Variants in CALCOCO1 observed in about 807,000 individuals in gnomAD.
The protein encoded by CALCOCO1 is calcium-binding and coiled-coil domain-containing protein 1.
In CALCOCO1, 44 loss-of-function variants were observed where a neutral mutation model predicts 86.3. The observed-to-expected ratio is 0.51, with a 90% CI of 0.40 to 0.66. The LOEUF (loss-of-function observed/expected upper bound fraction) is 0.66, where lower values mean the gene tolerates loss of function less well. Ranked by LOEUF, CALCOCO1 falls within the 30% of genes least tolerant of loss-of-function variation. The pLI, the probability that CALCOCO1 is intolerant of heterozygous loss-of-function variation, is 0.00. For synonymous variants in CALCOCO1, 297 were observed against 327.6 expected (o/e 0.91, Z 1.01); for missense variants, 708 against 851.1 (o/e 0.83, Z 2.09).
In CALCOCO1 at chr12:53,711,826, G is replaced by T; in HGVS notation, c.*118C>A. 1 of 868,506 alleles carries T rather than the reference G, an allele frequency of 1.2e-6. No individual in the cohort carries two copies. The highest frequency in any genetic ancestry group is 3.3e-5 in the East Asian group (1 of 30,392). The allele number at this position is 868,506 out of a possible 1,614,324, so 53.8% of individuals were successfully genotyped here. A position where few individuals can be genotyped will look rare whatever the true frequency, so the allele number is the denominator to read the frequency against. On this transcript the variant is annotated 3_prime_UTR_variant, in exon 15 of 15. Coordinates refer to ENST00000550804, the MANE Select transcript of CALCOCO1 (RefSeq NM_020898.3). Reference sequence around the variant, plus strand: ...CAGGGCACACAGAAGCAGTTCTTAGGGAACAGAATATCATGGAGCCCAGTG... The same window carrying T: ...CAGGGCACACAGAAGCAGTTCTTAGTGAACAGAATATCATGGAGCCCAGTG...
intron 5 of CALCOCO1, 155 bp from the exon 6 acceptor site, chr12:53,721,770 T>C: frequency 1.0e-6 from 1 of 990,514 alleles, no homozygotes; most frequent in South Asian, 1.4e-5. Flanking sequence ...GAACATTCCC[T>C]TACCTATCAA....
At position 53,709,480 on chromosome 12, in the gene CALCOCO1, G is replaced by A. The variant is rs969180910; in HGVS notation, c.*2464C>T. 1 of 152,290 alleles carries A rather than the reference G, an allele frequency of 6.6e-6. No individual in the cohort carries two copies. Among genetic ancestry groups the A allele is most frequent in the Non-Finnish European group, 1.5e-5 (1 of 68,120 alleles). 9.4% of individuals were successfully genotyped at this position (152,290 alleles called of 1,614,324 possible). A position where few individuals can be genotyped will look rare whatever the true frequency, so the allele number is the denominator to read the frequency against. On this transcript the variant is annotated 3_prime_UTR_variant, in exon 15 of 15. Transcript: ENST00000550804. The stretch of plus-strand genomic sequence containing the variant: ...AAAGACACACAAAGGGCAGAGAAAG[G>A]AGCAGCTAGAAACTCTAGATATCCA...
At chr12:53,715,663 C>T in intron 9 of CALCOCO1, 130 bp downstream of exon 9, 5 of 1,277,824 alleles carry the variant, frequency 3.9e-6, no homozygotes, top group Non-Finnish European at 5.4e-6. Flanking sequence ...CTCAAAGCCC[C>T]TCTCCACCCA....
At position 53,715,961 on chromosome 12, in the gene CALCOCO1, C is replaced by T. The variant is rs1352758564; in HGVS notation, c.1092G>A (p.Glu364=). The part of the protein sequence containing the change: ...SSQQKATLLG[E]ELASAAAARD... ...TGGCTGCTGCTGCACTGGCCAACTC[C>T]TCCCCAAGAAGGGTGGCTTTCTGCT... Residue 364 remains glutamate, a synonymous_variant, in exon 9 of 15, where the codon GAG becomes GAA. Coordinates refer to ENST00000550804, the MANE Select transcript of CALCOCO1 (RefSeq NM_020898.3). 1 of 1,614,072 alleles carries T rather than the reference C, an allele frequency of 6.2e-7. No homozygotes were observed. Among genetic ancestry groups the T allele is most frequent in the African/African-American group, 1.3e-5 (1 of 74,934 alleles).
In CALCOCO1 at chr12:53,719,839, G is replaced by A. The variant is rs766356835; in HGVS notation, c.759-10C>T. The stretch of plus-strand genomic sequence containing the variant: ...CACTGTGTCTCTAAGCCTGTGATTG[G>A]TGGGATGACATGTCAGACAATCTGC... On this transcript the variant is annotated splice_polypyrimidine_tract_variant and intron_variant, in intron 6 of 14. Coordinates refer to ENST00000550804, the MANE Select transcript of CALCOCO1 (RefSeq NM_020898.3). 6.3e-7 allele frequency: 1 copy of A among 1,596,724 alleles called. No individual in the cohort carries two copies. Among genetic ancestry groups the A allele is most frequent in the Non-Finnish European group, 8.6e-7 (1 of 1,164,734 alleles).
intron 6 of CALCOCO1, among the ~76,000 whole-genome samples, chr12:53,720,906 G>C (rs1052871491): frequency 6.6e-6 from 1 of 152,204 alleles, no homozygotes; most frequent in African/African-American, 2.4e-5. Flanking sequence ...TAGGAGAGGA[G>C]AGTTTGGCTC....
Position 53,711,199 on chromosome 12 carries a change from G to C in CALCOCO1, c.*745C>G, listed in dbSNP as rs1046244332. On this transcript the variant is annotated 3_prime_UTR_variant, in exon 15 of 15. Transcript: ENST00000550804. ...GCTTTTATTGCTGTGGGGGGACCTG[G>C]AGAGGGAGGGGGGCCTTGGAAATGG... 6 of 398,880 alleles carry C rather than the reference G, an allele frequency of 1.5e-5. No individual in the cohort carries two copies. The highest frequency in any genetic ancestry group is 6.2e-5 in the African/African-American group (3 of 48,698). The allele number at this position is 398,880 out of a possible 1,614,324, so 24.7% of individuals were successfully genotyped here.
rs772925653 is a variant in CALCOCO1, at chr12:53,711,804, G to A, written c.*140C>T. ...GTGAGAAATCTTGGGATGAAAACAGGGCACACAGAAGCAGTTCTTAGGGAA... is the reference window on the plus strand; with the variant it reads ...GTGAGAAATCTTGGGATGAAAACAGAGCACACAGAAGCAGTTCTTAGGGAA... On this transcript the variant is annotated 3_prime_UTR_variant, in exon 15 of 15. Transcript: ENST00000550804. 1 of 698,880 alleles carries A rather than the reference G, an allele frequency of 1.4e-6. No individual in the cohort carries two copies. Among genetic ancestry groups the A allele is most frequent in the African/African-American group, 1.9e-5 (1 of 52,998 alleles). The allele number at this position is 698,880 out of a possible 1,614,324, so 43.3% of individuals were successfully genotyped here.
At position 53,716,303 on chromosome 12, in the gene CALCOCO1, A is replaced by T; in HGVS notation, c.962T>A (p.Val321Glu). 1.2e-6 allele frequency: 2 copies of T among 1,614,098 alleles called. No homozygotes were observed. Among genetic ancestry groups the T allele is most frequent in the Non-Finnish European group, 1.7e-6 (2 of 1,180,030 alleles). The change falls in exon 8 of 15, where the codon GTG (valine) becomes GAG (glutamate). Residue 321 changes from valine to glutamate, a missense_variant. By Grantham distance (121) the Val-to-Glu change is moderately radical (BLOSUM62 -2). Coordinates refer to ENST00000550804, the MANE Select transcript of CALCOCO1 (RefSeq NM_020898.3). Reference protein sequence around the residue: ...SAQAQRLKDKVAQMKDTLGQA... With the variant: ...SAQAQRLKDKEAQMKDTLGQA... The stretch of plus-strand genomic sequence containing the variant: ...GCCTAGGGTGTCCTTCATCTGGGCC[A>T]CCTTGTCTTTCAGTCGCTGAGCCTG...
rs1945561754 is a variant in CALCOCO1 at position 53,711,875 on chromosome 12, T to C, written c.*69A>G. On this transcript the variant is annotated 3_prime_UTR_variant, in exon 15 of 15. Coordinates refer to ENST00000550804, the MANE Select transcript of CALCOCO1 (RefSeq NM_020898.3). ...TGTGATAGAAAATGGGCATGAAACC[T>C]AAGTGTATGCATGTGTGTGAGTGTG... The C allele has an allele frequency of 2.2e-6, 3 of 1,341,884 alleles. No homozygotes were observed. The highest frequency in any genetic ancestry group is 3.0e-6 in the Non-Finnish European group (3 of 1,008,552). 83.1% of individuals were successfully genotyped at this position (1,341,884 alleles called of 1,614,324 possible).
intron 6 of CALCOCO1, 62 bp downstream of exon 6, chr12:53,721,405 G>A: frequency 1.4e-6 from 2 of 1,458,662 alleles, no homozygotes; most frequent in South Asian, 1.4e-5. Flanking sequence ...CTGAGAGAGG[G>A]GGCTGGAGTG....
intron 4 of CALCOCO1, chr12:53,722,801 G>C: frequency 2.6e-6 from 1 of 379,140 alleles, no homozygotes; most frequent in South Asian, 1.9e-5. Flanking sequence ...GTCCTCATCT[G>C]TAACATGATC....
chr12:53,720,189 A>G (rs989416931), intron 6 of CALCOCO1, among the ~76,000 whole-genome samples: 1 of 151,536 alleles, frequency 6.6e-6, no homozygotes, highest in African/African-American at 2.4e-5. Flanking sequence ...AAGTTGGCAG[A>G]CTCTTTCTGT....
intron 7 of CALCOCO1, among the ~76,000 whole-genome samples, chr12:53,719,375 A>G (rs1253482592): frequency 1.3e-5 from 2 of 151,974 alleles, no homozygotes; most frequent in Non-Finnish European, 2.9e-5. Flanking sequence ...AAAATACAAA[A>G]GTTAGCTGGG....
rs553332328 is a variant in CALCOCO1, at chr12:53,708,804, A to G, written c.*3140T>C. 8 of 152,352 alleles carry G rather than the reference A, an allele frequency of 5.3e-5. No homozygotes were observed. In the East Asian group the frequency reaches 1.5e-3, roughly 29 times the overall value. 9.4% of individuals were successfully genotyped at this position (152,352 alleles called of 1,614,324 possible). A position where few individuals can be genotyped will look rare whatever the true frequency, so the allele number is the denominator to read the frequency against. ...TAAAGTGCTCTACGTGGTATGTCAA[A>G]GGATAACTGAGGGCAGTCAAGTAAG... On this transcript the variant is annotated 3_prime_UTR_variant, in exon 15 of 15. Transcript: ENST00000550804.
Position 53,716,400 on chromosome 12 carries a change from C to G in CALCOCO1, c.865G>C (p.Ala289Pro). Reference protein sequence around the residue: ...KEQSEAELQVAQQENHHLNLD... With the variant: ...KEQSEAELQVPQQENHHLNLD... ...TTTAAGTGATGGTTCTCCTGTTGTG[C>G]CACTTGGAGCTCAGCCTGAGGGAAG... Residue 289 changes from alanine (A) to proline (P), a missense_variant, in exon 8 of 15, where the codon GCA becomes CCA. Physicochemically the swap from Ala to Pro is conservative, Grantham distance 27. Coordinates refer to ENST00000550804, the MANE Select transcript of CALCOCO1 (RefSeq NM_020898.3). The G allele has an allele frequency of 1.2e-6, 2 of 1,614,114 alleles. No individual in the cohort carries two copies. Among genetic ancestry groups the G allele is most frequent in the South Asian group, 2.2e-5 (2 of 91,074 alleles).
At chr12:53,724,874 G>C in intron 2 of CALCOCO1, 127 bp from the exon 3 acceptor site, 1 of 838,974 alleles carries the variant, frequency 1.2e-6, no homozygotes, top group Non-Finnish European at 1.9e-6. Flanking sequence ...CAAGAGAAAG[G>C]GAAAGTGGAG....
Position 53,713,120 on chromosome 12 carries a change from A to G in CALCOCO1, c.1878T>C (p.Ser626=), listed in dbSNP as rs772096112. The G allele has an allele frequency of 1.2e-6, 2 of 1,614,084 alleles. No homozygotes were observed. Among genetic ancestry groups the G allele is most frequent in the Non-Finnish European group, 1.7e-6 (2 of 1,179,966 alleles). The change falls in exon 14 of 15, where the codon AGT becomes AGC. Residue 626 remains serine (S), a synonymous_variant. Transcript: ENST00000550804. ...EANLLLPELG[S]AFYDMASGFT... Reference sequence around the variant, plus strand: ...CTCACCTGGCCATGTCATAGAAGGCACTGCCCAGTTCAGGAAGCAGTAAGT... The same window carrying G: ...CTCACCTGGCCATGTCATAGAAGGCGCTGCCCAGTTCAGGAAGCAGTAAGT...
At chr12:53,712,384 A>C in intron 14 of CALCOCO1, 2 of 398,848 alleles carry the variant, frequency 5.0e-6, no homozygotes, top group Non-Finnish European at 9.0e-6. Context: ...TCCTCCCTCC[A>C]TCTCCGTCTG....
Sources: gnomAD v4.1 joint callset for allele counts (sites outside exome capture counted in the v4.1 genomes callset) on GRCh38, gnomAD v4.1.1 for gene constraint, MANE v1.5 for transcripts, NCBI Gene and HGNC (gene_info 2026-07-23, HGNC 2026-07-21) for gene names.